The following COL21A1 variants were observed in gnomAD, a reference collection of about 807,000 sequenced individuals.
COL21A1 encodes the protein collagen alpha-1(XXI) chain.
Under a neutral mutation model 137.9 loss-of-function variants are expected in COL21A1, and 149 were observed. The observed-to-expected ratio is 1.08, with a 90% CI of 0.95 to 1.24. The LOEUF (loss-of-function observed/expected upper bound fraction) is 1.24. Among genes scored for constraint, COL21A1 ranks in the 50% most tolerant of loss-of-function variants. The pLI is 0.00. For missense variants in COL21A1, 1,167 were observed against 1,158.4 expected (o/e 1.01, Z -0.11); for synonymous variants, 456 against 391.5 (o/e 1.16, Z -1.95).
At chr6:56,151,579 A>G (rs1775322940) in intron 10 of COL21A1, among the ~76,000 whole-genome samples, 1 of 152,246 alleles carries the variant, frequency 6.6e-6, no homozygotes, top group Admixed American at 6.5e-5. Context: ...GCACTTTTCA[A>G]TTATGAAAAT....
intron 1 of COL21A1, among the ~76,000 whole-genome samples, chr6:56,228,722 A>G (rs189077384): frequency 2.0e-5 from 3 of 151,798 alleles, no homozygotes; most frequent in Non-Finnish European, 4.4e-5. Context: ...GTGAGTGGAC[A>G]TGGATTCTGG....
chr6:56,066,291 T>C (rs930177213), intron 23 of COL21A1, among the ~76,000 whole-genome samples: 1 of 151,988 alleles, frequency 6.6e-6, no homozygotes, highest in African/African-American at 2.4e-5. Flanking sequence ...AAACATCTTA[T>C]GTATGTTATG....
intron 4 of COL21A1, 34 bp downstream of exon 4, chr6:56,170,926 C>T: frequency 6.3e-7 from 1 of 1,589,326 alleles, no homozygotes; most frequent in Non-Finnish European, 8.6e-7. Flanking sequence ...AGACATATCC[C>T]CCCAAAAAAG....
At chr6:56,321,079 T>A (rs1764854326) in intron 1 of COL21A1, among the ~76,000 whole-genome samples, 1 of 152,048 alleles carries the variant, frequency 6.6e-6, no homozygotes, top group Non-Finnish European at 1.5e-5. Flanking sequence ...CCACTAGGAG[T>A]ACAGAACTGC....
At chr6:56,254,231 T>C (rs1782920216) in intron 1 of COL21A1, among the ~76,000 whole-genome samples, 1 of 152,220 alleles carries the variant, frequency 6.6e-6, no homozygotes, top group South Asian at 2.1e-4. Flanking sequence ...GATTTCCTAT[T>C]AGGCTTCTTC....
intron 1 of COL21A1, among the ~76,000 whole-genome samples, chr6:56,241,478 C>G (rs1047114080): frequency 3.9e-5 from 6 of 152,166 alleles, no homozygotes; most frequent in African/African-American, 1.2e-4. Context: ...TTCTCTTTAT[C>G]TCATTTCAAA....
At position 56,090,116 on chromosome 6, in the gene COL21A1, G is replaced by A. The variant is rs552337584; in HGVS notation, c.1812+11356C>T. Among the ~76,000 whole-genome samples the A allele has an allele frequency of 1.8e-4, 28 of 152,266 alleles. No homozygotes were observed. The South Asian group carries it at 2.5e-3, about 14-fold the overall frequency. On this transcript the variant is annotated intron_variant, in intron 17 of 29. Coordinates refer to ENST00000244728, the MANE Select transcript of COL21A1 (RefSeq NM_030820.4). Reference sequence around the variant, plus strand: ...TAGCTGGGCATGGTGGCACGCGCCTGTAGTCTCAGCTACTCAGGAGGCTGA... The same window carrying A: ...TAGCTGGGCATGGTGGCACGCGCCTATAGTCTCAGCTACTCAGGAGGCTGA...
intron 1 of COL21A1, among the ~76,000 whole-genome samples, chr6:56,301,896 C>T (rs1764303907): frequency 6.6e-6 from 1 of 151,618 alleles, no homozygotes; most frequent in African/African-American, 2.4e-5. Context: ...TGTGATGTTC[C>T]CCTTCCTGTG....
intron 17 of COL21A1, among the ~76,000 whole-genome samples, chr6:56,078,757 A>G (rs1359584567): frequency 1.3e-5 from 2 of 151,706 alleles, no homozygotes; most frequent in African/African-American, 4.8e-5. Context: ...ATTCAGCTCA[A>G]TTCAGTTTGC....
At chr6:56,365,216 C>A (rs560640531) in intron 1 of COL21A1, among the ~76,000 whole-genome samples, 1 of 152,284 alleles carries the variant, frequency 6.6e-6, no homozygotes, top group East Asian at 1.9e-4. Flanking sequence ...GCTATCTACA[C>A]TTGACCAAAA....
chr6:56,322,160 G>A (rs1056836801), intron 1 of COL21A1, among the ~76,000 whole-genome samples: 8 of 152,178 alleles, frequency 5.3e-5, no homozygotes, highest in East Asian at 1.9e-4. Context: ...GAATCCAGGC[G>A]AAACCATTGC....
At position 56,059,176 on chromosome 6, in the gene COL21A1, G is replaced by A. The variant is rs775789948; in HGVS notation, c.2675C>T (p.Pro892Leu). 1 of 1,612,324 alleles carries A rather than the reference G, an allele frequency of 6.2e-7. No individual in the cohort carries two copies. The highest frequency in any genetic ancestry group is 8.5e-7 in the Non-Finnish European group (1 of 1,179,254). ...GTAGCAATTCTCACCTGGGGGACCA[G>A]GAGGACCTTGTTCTCCAGGATACCC... is the stretch of plus-strand genomic sequence containing the variant. The part of the protein sequence containing the change: ...GFGYPGEQGP[P>L]GPPGPEGPPG... Residue 892 changes from proline to leucine, a missense_variant, in exon 29 of 30, where the codon CCT becomes CTT. Pro to Leu is a moderately conservative substitution (Grantham distance 98, BLOSUM62 -3). Transcript: ENST00000244728.
chr6:56,347,958 C>A (rs1239164296), intron 1 of COL21A1, among the ~76,000 whole-genome samples: 2 of 152,010 alleles, frequency 1.3e-5, no homozygotes, highest in East Asian at 1.9e-4. Context: ...AAAATATTAT[C>A]ATTTCATATT....
intron 1 of COL21A1, among the ~76,000 whole-genome samples, chr6:56,265,914 G>GA (rs67064095): frequency 8.6e-5 from 13 of 151,506 alleles, no homozygotes; most frequent in Middle Eastern, 3.4e-3. Context: ...CTATCTATGA[G>GA]AAAAAAAAAT....
At chr6:56,309,257 T>C (rs532005391) in intron 1 of COL21A1, among the ~76,000 whole-genome samples, 1 of 152,246 alleles carries the variant, frequency 6.6e-6, no homozygotes, top group African/African-American at 2.4e-5. Flanking sequence ...GCTAGGATGG[T>C]CTTATCTCCT....
chr6:56,350,624 G>A (rs1263006144), intron 1 of COL21A1, among the ~76,000 whole-genome samples: 1 of 152,114 alleles, frequency 6.6e-6, no homozygotes. Flanking sequence ...CTTCCATAAG[G>A]GGCCTTGAGT....
At chr6:56,198,037 G>C (rs1411581161) in intron 1 of COL21A1, among the ~76,000 whole-genome samples, 3 of 151,934 alleles carry the variant, frequency 2.0e-5, no homozygotes, top group African/African-American at 7.3e-5. Context: ...ATACTATTTA[G>C]ACTTACAAAA....
intron 1 of COL21A1, among the ~76,000 whole-genome samples, chr6:56,342,318 A>G (rs1765488989): frequency 6.6e-6 from 1 of 152,218 alleles, no homozygotes; most frequent in Non-Finnish European, 1.5e-5. Flanking sequence ...CTGGATTATT[A>G]TGACTGCACC....
chr6:56,268,275 C>A (rs1294529345), intron 1 of COL21A1, among the ~76,000 whole-genome samples: 1 of 152,130 alleles, frequency 6.6e-6, no homozygotes, highest in Non-Finnish European at 1.5e-5. Context: ...TGGCCTCTAC[C>A]CAAAGTAGCC....
Sources: allele counts gnomAD v4.1 joint callset (sites outside exome capture counted in the v4.1 genomes callset), GRCh38; gene constraint gnomAD v4.1.1; transcripts MANE v1.5; gene names NCBI Gene and HGNC (gene_info 2026-07-23, HGNC 2026-07-21).